ADAMTSL1: variants seen among roughly 807,000 people sequenced by gnomAD.
ADAMTSL1 encodes the protein ADAMTS like 1, also known as ADAMTS-like protein 1.
Under a neutral mutation model 201.8 loss-of-function variants are expected in ADAMTSL1, and 126 were observed. The observed-to-expected ratio is 0.62, with a 90% CI of 0.54 to 0.72. The LOEUF (loss-of-function observed/expected upper bound fraction) is 0.72. ADAMTSL1 is among the 30% of genes least tolerant of loss of function. The pLI is 0.00. For synonymous variants in ADAMTSL1, 1,121 were observed against 903.4 expected, an observed-to-expected ratio of 1.24 and a Z score of -4.32; for missense variants, 2,679 against 2,277.8, an observed-to-expected ratio of 1.18 and a Z score of -3.59.
intron 2 of ADAMTSL1, among the ~76,000 whole-genome samples, chr9:18,442,827 T>C (rs1279625424): frequency 6.6e-6 from 1 of 152,174 alleles, no homozygotes; most frequent in African/African-American, 2.4e-5. Context: ...GGCCTGCAAG[T>C]CATTTGGTCG....
At chr9:18,472,618 A>G (rs889394762), upstream of ADAMTSL1, among the ~76,000 whole-genome samples, 17 of 152,228 alleles carry the variant, frequency 1.1e-4, no homozygotes, top group Non-Finnish European at 1.8e-4. Flanking sequence ...TTGAAAAGCA[A>G]CGCAGCAGGT....
chr9:18,499,681 T>C (rs1822730599), intron 1 of ADAMTSL1, among the ~76,000 whole-genome samples: 1 of 152,206 alleles, frequency 6.6e-6, no homozygotes, highest in South Asian at 2.1e-4. Flanking sequence ...ATGCTGTCTG[T>C]CTGGAAGTGG....
intron 28 of ADAMTSL1, 23 bp downstream of exon 28, chr9:18,906,935 C>T: frequency 1.9e-6 from 3 of 1,613,264 alleles, no homozygotes; most frequent in Non-Finnish European, 2.5e-6. Context: ...CCCAAAGAAC[C>T]TTCTGCAAAT....
chr9:18,608,101 G>A (rs1413328134), intron 4 of ADAMTSL1, among the ~76,000 whole-genome samples: 1 of 152,138 alleles, frequency 6.6e-6, no homozygotes, highest in Non-Finnish European at 1.5e-5. Flanking sequence ...AATTGGAAAT[G>A]CCTTTTCTTC....
At chr9:17,934,901 TTAA>T (rs1195596856) in intron 1 of ADAMTSL1, among the ~76,000 whole-genome samples, 4 of 13,454 alleles carry the variant, frequency 3.0e-4, no homozygotes, top group East Asian at 4.2e-3. Flanking sequence ...CCTATTTCCT[TTAA>T]AAAAAAAAAA....
At chr9:18,007,763 C>G (rs1819889587) in intron 1 of ADAMTSL1, among the ~76,000 whole-genome samples, 1 of 151,920 alleles carries the variant, frequency 6.6e-6, no homozygotes, top group Non-Finnish European at 1.5e-5. Flanking sequence ...TGTTGACACA[C>G]TCATTCATAC....
At chr9:18,712,750 G>T (rs574710466) in intron 14 of ADAMTSL1, among the ~76,000 whole-genome samples, 4 of 151,784 alleles carry the variant, frequency 2.6e-5, no homozygotes, top group East Asian at 1.9e-4. Flanking sequence ...TACAGAGAAC[G>T]CCACAAAGAT....
intron 4 of ADAMTSL1, among the ~76,000 whole-genome samples, chr9:18,602,227 G>C (rs1310679999): frequency 6.6e-6 from 1 of 152,148 alleles, no homozygotes; most frequent in Non-Finnish European, 1.5e-5. Context: ...GTTAGGCTGG[G>C]AGTGCTCAGA....
At chr9:18,619,392 T>C (rs773992584) in intron 4 of ADAMTSL1, among the ~76,000 whole-genome samples, 2 of 151,948 alleles carry the variant, frequency 1.3e-5, no homozygotes, top group Non-Finnish European at 2.9e-5. Context: ...TGAAGAGGAA[T>C]TGATAACAGA....
intron 22 of ADAMTSL1, among the ~76,000 whole-genome samples, chr9:18,826,746 G>A (rs565412011): frequency 6.6e-6 from 1 of 152,326 alleles, no homozygotes; most frequent in Non-Finnish European, 1.5e-5. Flanking sequence ...CTCCAGACAG[G>A]AGGATTGCAA....
intron 3 of ADAMTSL1, among the ~76,000 whole-genome samples, chr9:18,560,264 A>C (rs953348421): frequency 5.3e-5 from 8 of 152,176 alleles, no homozygotes; most frequent in Non-Finnish European, 8.8e-5. Context: ...CTATTGAGAC[A>C]ATAATGTGGT....
chr9:18,029,716 C>A (rs1820858098), intron 1 of ADAMTSL1, among the ~76,000 whole-genome samples: 1 of 151,954 alleles, frequency 6.6e-6, no homozygotes, highest in African/African-American at 2.4e-5. Context: ...AAACAAACAA[C>A]CCCATCAAAA....
At chr9:18,132,723 C>G (rs1409261180) in intron 1 of ADAMTSL1, among the ~76,000 whole-genome samples, 1 of 152,118 alleles carries the variant, frequency 6.6e-6, no homozygotes, top group East Asian at 1.9e-4. Context: ...CCTTTCACTC[C>G]ATGCTCAGAA....
intron 23 of ADAMTSL1, among the ~76,000 whole-genome samples, chr9:18,882,857 T>C (rs2131515411): frequency 6.6e-6 from 1 of 152,204 alleles, no homozygotes; most frequent in African/African-American, 2.4e-5. Context: ...CTGTGTGTGG[T>C]GGCACATGCC....
In ADAMTSL1 at chr9:18,735,213, T is replaced by C. The variant is rs181131993; in HGVS notation, c.2006+13548T>C. Reference sequence around the variant, plus strand: ...CATTTCAGGCAATGGTGAAAAACTATGGAAGACAGAAGGACCACATGGTTC... The same window carrying C: ...CATTTCAGGCAATGGTGAAAAACTACGGAAGACAGAAGGACCACATGGTTC... On this transcript the variant is annotated intron_variant, in intron 15 of 28. Transcript: ENST00000380548. Among the ~76,000 whole-genome samples, 468 of 152,298 alleles carry C rather than the reference T, an allele frequency of 3.1e-3. 2 individuals are homozygous for C. The highest frequency in any genetic ancestry group is 0.011 in the African/African-American group (446 of 41,568).
chr9:18,417,570 T>C (rs1818742207), intron 2 of ADAMTSL1, among the ~76,000 whole-genome samples: 1 of 152,140 alleles, frequency 6.6e-6, no homozygotes, highest in South Asian at 2.1e-4. Context: ...TATTACAGAC[T>C]GTGTAGAAAT....
intron 14 of ADAMTSL1, among the ~76,000 whole-genome samples, chr9:18,707,433 AGTC>A (rs1832295414): frequency 6.6e-6 from 1 of 152,240 alleles, no homozygotes; most frequent in African/African-American, 2.4e-5. Context: ...CCCAAGAACA[AGTC>A]GGAGTCCCTC....
intron 2 of ADAMTSL1, among the ~76,000 whole-genome samples, chr9:18,176,893 A>G (rs1420351653): frequency 6.6e-6 from 1 of 152,240 alleles, no homozygotes; most frequent in Non-Finnish European, 1.5e-5. Flanking sequence ...AAATCTTCAG[A>G]AACAGCGCTT....
chr9:18,231,273 C>G (rs1736368101), intron 2 of ADAMTSL1, among the ~76,000 whole-genome samples: 1 of 152,146 alleles, frequency 6.6e-6, no homozygotes. Context: ...CCCTATCTCT[C>G]TAAATCTCAT....
Sources: gnomAD v4.1 joint callset for allele counts (sites outside exome capture counted in the v4.1 genomes callset) on GRCh38, gnomAD v4.1.1 for gene constraint, MANE v1.5 for transcripts, NCBI Gene and HGNC (gene_info 2026-07-23, HGNC 2026-07-21) for gene names.